TMEM164: variants seen among roughly 807,000 people sequenced by gnomAD.
The protein encoded by TMEM164 is transmembrane protein 164, also known as RP13-360B22.2.
In TMEM164, 4 loss-of-function variants were observed where a neutral mutation model predicts 18.8. The observed-to-expected ratio is 0.21, with a 90% CI of 0.10 to 0.49. The LOEUF is 0.49. Among genes scored for constraint, TMEM164 ranks in the 20% least tolerant of loss-of-function variants. The probability of loss-of-function intolerance (pLI) is 0.98; values close to 1 mark genes in which losing one functional copy is unlikely to be tolerated. For synonymous variants in TMEM164, 86 were observed against 101.7 expected (o/e 0.85, Z 0.93); for missense variants, 108 against 239.9 (o/e 0.45, Z 3.63).
At chrX:110,179,212 T>C (rs2067313626), downstream of TMEM164, among the ~76,000 whole-genome samples, 2 of 111,178 alleles carry the variant, frequency 1.8e-5, no homozygotes, top group Admixed American at 9.5e-5. Flanking sequence ...GGTTCCTTTT[T>C]AGGAAGAGAG....
At chrX:110,082,073 A>G (rs956161015) in intron 3 of TMEM164, 2 of 112,873 alleles carry the variant, frequency 1.8e-5, no homozygotes, top group African/African-American at 6.5e-5. Flanking sequence ...TTGACATGTG[A>G]CTTGCTCAGT....
intron 3 of TMEM164, among the ~76,000 whole-genome samples, chrX:110,077,067 A>T (rs2065681919): frequency 8.9e-6 from 1 of 111,771 alleles, no homozygotes; most frequent in African/African-American, 3.3e-5. Flanking sequence ...TGAAATCCCC[A>T]TTATTATTGT....
chrX:110,019,642 T>C, intron 2 of TMEM164, among the ~76,000 whole-genome samples: 1 of 112,169 alleles, frequency 8.9e-6, no homozygotes, highest in Non-Finnish European at 1.9e-5. Flanking sequence ...CTTTATATTG[T>C]CCCTGGCCGA....
chrX:110,164,929 A>G (rs764028864), intron 5 of TMEM164, among the ~76,000 whole-genome samples: 10 of 112,550 alleles, frequency 8.9e-5, no homozygotes, highest in Non-Finnish European at 1.7e-4. Flanking sequence ...GGTGAAGGGA[A>G]CATTCAGAGA....
chrX:110,077,453 C>A (rs1434140540), intron 3 of TMEM164, among the ~76,000 whole-genome samples: 1 of 111,598 alleles, frequency 9.0e-6, no homozygotes. Context: ...AGACTGTTTA[C>A]ATTCAACATT....
intron 5 of TMEM164, among the ~76,000 whole-genome samples, chrX:110,147,171 C>T (rs2066868756): frequency 8.9e-6 from 1 of 112,103 alleles, no homozygotes; most frequent in African/African-American, 3.2e-5. Context: ...CTCTCATCCA[C>T]ACTGCTCTTT....
intron 2 of TMEM164, among the ~76,000 whole-genome samples, chrX:110,016,485 T>G (rs2086444583): frequency 1.8e-5 from 2 of 111,627 alleles, no homozygotes; most frequent in Non-Finnish European, 3.8e-5. Context: ...AGGAGAAAAC[T>G]CACTATAATT....
chrX:110,035,980 A>G (rs1934780504), intron 2 of TMEM164, among the ~76,000 whole-genome samples: 1 of 110,137 alleles, frequency 9.1e-6, no homozygotes, highest in African/African-American at 3.3e-5. Context: ...AGCAGTGGGG[A>G]CAGAGAGAGC....
chrX:110,060,396 A>G (rs1204046789), intron 2 of TMEM164, among the ~76,000 whole-genome samples: 2 of 111,392 alleles, frequency 1.8e-5, no homozygotes, highest in East Asian at 5.6e-4. Context: ...AGAGAGGCTA[A>G]TGGATTAGAT....
At chrX:110,082,953 A>G (rs2065781366) in intron 3 of TMEM164, among the ~76,000 whole-genome samples, 1 of 111,683 alleles carries the variant, frequency 9.0e-6, no homozygotes, top group East Asian at 2.8e-4. Flanking sequence ...GTTGATTTGT[A>G]TGAGTTTTAC....
Position 110,117,509 on chromosome X carries a change from G to A in TMEM164, c.507+8363G>A, listed in dbSNP as rs373909798. Among the ~76,000 whole-genome samples, 7 of 111,925 alleles carry A rather than the reference G, an allele frequency of 6.3e-5. No homozygotes were observed. The East Asian group carries it at 1.1e-3, about 18-fold the overall frequency. ...ACACATAGAAATGATAAATACTCAA[G>A]GGCATGGATACCCCAAATACCCTGA... On this transcript the variant is annotated intron_variant, in intron 4 of 6. Coordinates refer to ENST00000372068, the MANE Select transcript of TMEM164 (RefSeq NM_032227.4).
chrX:110,092,938 G>A (rs183797545), intron 3 of TMEM164, among the ~76,000 whole-genome samples: 99 of 111,685 alleles, frequency 8.9e-4, no homozygotes, highest in Middle Eastern at 4.7e-3. Flanking sequence ...GAATTTTGTC[G>A]AAGGCCTTTT....
intron 2 of TMEM164, among the ~76,000 whole-genome samples, chrX:110,031,655 GT>G (rs943414137): frequency 2.7e-5 from 3 of 110,029 alleles, no homozygotes; most frequent in African/African-American, 6.6e-5. Flanking sequence ...TTTTAAAAAG[GT>G]TTTTTTGCTT....
intron 2 of TMEM164, chrX:110,046,415 C>T (rs745641100): frequency 5.3e-6 from 4 of 754,261 alleles, no homozygotes; most frequent in African/African-American, 2.3e-5. Context: ...TAGAAGACTG[C>T]CCCACCTTGG....
At chrX:110,060,362 A>T (rs1287751976) in intron 2 of TMEM164, among the ~76,000 whole-genome samples, 1 of 108,891 alleles carries the variant, frequency 9.2e-6, no homozygotes, top group Non-Finnish European at 1.9e-5. Flanking sequence ...AAGGTGGGGG[A>T]TCAGGGGTAA....
chrX:110,084,380 G>A (rs5942622), intron 3 of TMEM164, among the ~76,000 whole-genome samples: 178 of 1,957 alleles, frequency 0.091, 16 homozygotes, highest in African/African-American at 0.16. Context: ...TATATATAGT[G>A]TATATATATA....
At chrX:110,014,863 C>T (rs1167769780) in intron 2 of TMEM164, among the ~76,000 whole-genome samples, 3 of 108,013 alleles carry the variant, frequency 2.8e-5, no homozygotes, top group Non-Finnish European at 3.8e-5. Flanking sequence ...GAAAGGGCCA[C>T]CCCCAGAGCT....
chrX:110,046,652 T>C (rs1330651289), intron 2 of TMEM164, among the ~76,000 whole-genome samples: 1 of 112,859 alleles, frequency 8.9e-6, no homozygotes, highest in East Asian at 2.8e-4. Flanking sequence ...AGTCAAAATA[T>C]GGGATCTTTT....
chrX:110,018,107 CTG>C (rs1451532543), intron 2 of TMEM164, among the ~76,000 whole-genome samples: 1 of 111,889 alleles, frequency 8.9e-6, no homozygotes, highest in African/African-American at 3.3e-5. Flanking sequence ...GCGGATATAA[CTG>C]AGGCCATCAT....
Sources: allele counts gnomAD v4.1 joint callset (sites outside exome capture counted in the v4.1 genomes callset), GRCh38; gene constraint gnomAD v4.1.1; transcripts MANE v1.5; gene names NCBI Gene and HGNC (gene_info 2026-07-23, HGNC 2026-07-21).